The following CYP7B1 variants were observed in gnomAD, a reference collection of about 807,000 sequenced individuals.
The protein encoded by CYP7B1 is cytochrome P450 7B1.
A neutral mutation model predicts 42.7 loss-of-function variants in CYP7B1; 29 were observed. The observed-to-expected ratio is 0.68, with a 90% CI of 0.51 to 0.93. The LOEUF is 0.93. Ranked by LOEUF, CYP7B1 falls within the 40% of genes least tolerant of loss-of-function variation. CYP7B1 has a pLI of 0.00. For missense variants in CYP7B1, 655 were observed against 600.5 expected (o/e 1.09, Z -0.95); for synonymous variants, 235 against 218.2 (o/e 1.08, Z -0.68).
chr8:64,793,574 A>G (rs76284551), intron 1 of CYP7B1, among the ~76,000 whole-genome samples: 1,932 of 152,252 alleles, frequency 0.013, 18 homozygotes, highest in Non-Finnish European at 0.021. Context: ...AAAACATGTT[A>G]TTAATGACTT....
chr8:64,613,945 T>G lies in CYP7B1; in HGVS notation c.1057+1081A>C, dbSNP rs1459927378. Among the ~76,000 whole-genome samples the G allele has an allele frequency of 2.0e-5, 3 of 152,104 alleles. No individual in the cohort carries two copies. In the East Asian group the frequency reaches 5.8e-4, roughly 29 times the overall value. On this transcript the variant is annotated intron_variant, in intron 4 of 5. Coordinates refer to ENST00000310193, the MANE Select transcript of CYP7B1 (RefSeq NM_004820.5). ...GTCCCATTAAAGAACCTGGAACATA[T>G]TTAAAAGATAAAAAATTGAGACCAA...
intron 1 of CYP7B1, among the ~76,000 whole-genome samples, chr8:64,719,254 T>C (rs1807202812): frequency 1.3e-5 from 2 of 152,162 alleles, no homozygotes; most frequent in Admixed American, 1.3e-4. Context: ...ACTTAAAATA[T>C]ATTAAATTTA....
intron 1 of CYP7B1, among the ~76,000 whole-genome samples, chr8:64,742,022 C>A (rs1389505443): frequency 6.6e-6 from 1 of 152,096 alleles, no homozygotes; most frequent in East Asian, 1.9e-4. Context: ...TCCTTAACTT[C>A]TTATACTGAT....
chr8:64,617,732 T>C (rs978017938), intron 2 of CYP7B1, among the ~76,000 whole-genome samples: 1 of 151,986 alleles, frequency 6.6e-6, no homozygotes, highest in African/African-American at 2.4e-5. Context: ...ACTTCTCACT[T>C]GTTATTTATG....
chr8:64,646,791 A>G (rs973640538), intron 1 of CYP7B1, among the ~76,000 whole-genome samples: 1 of 152,188 alleles, frequency 6.6e-6, no homozygotes, highest in Non-Finnish European at 1.5e-5. Flanking sequence ...AGCTTAGGGA[A>G]TATTGTGGCT....
chr8:64,653,864 T>A (rs1806078759), intron 1 of CYP7B1, among the ~76,000 whole-genome samples: 1 of 152,232 alleles, frequency 6.6e-6, no homozygotes, highest in Non-Finnish European at 1.5e-5. Flanking sequence ...TCAATAAATG[T>A]GATTTATCAC....
intron 1 of CYP7B1, among the ~76,000 whole-genome samples, chr8:64,658,505 AT>A (rs1401992319): frequency 6.6e-6 from 1 of 151,956 alleles, no homozygotes; most frequent in Admixed American, 6.6e-5. Flanking sequence ...TGGAATGTGC[AT>A]TTTTTTCCAG....
In CYP7B1 at chr8:64,693,304, C is replaced by T. The variant is rs972027617; in HGVS notation, c.123-68765G>A. 3.3e-5 allele frequency among the ~76,000 whole-genome samples: 5 copies of T among 152,134 alleles called. 1 individual carries two copies. Among genetic ancestry groups the T allele is most frequent in the African/African-American group, 7.2e-5 (3 of 41,424 alleles). ...ACATGTATACATTTCTATATGTGTG[C>T]GTCCGTGTGTGTGTGCGGGTATGTA... On this transcript the variant is annotated intron_variant, in intron 1 of 5. Coordinates refer to ENST00000310193, the MANE Select transcript of CYP7B1 (RefSeq NM_004820.5).
intron 2 of CYP7B1, among the ~76,000 whole-genome samples, chr8:64,616,848 T>C (rs576595229): frequency 6.6e-6 from 1 of 152,194 alleles, no homozygotes; most frequent in Non-Finnish European, 1.5e-5. Context: ...CTTTTATGGA[T>C]GTGGGAGATT....
intron 1 of CYP7B1, among the ~76,000 whole-genome samples, chr8:64,688,932 A>G (rs11993466): frequency 0.024 from 3,699 of 152,314 alleles, 146 homozygotes; most frequent in African/African-American, 0.085. Context: ...TCTCAAAAAT[A>G]TAAATAAATA....
chr8:64,778,751 C>T (rs1483553185), intron 1 of CYP7B1, among the ~76,000 whole-genome samples: 1 of 152,114 alleles, frequency 6.6e-6, no homozygotes, highest in African/African-American at 2.4e-5. Flanking sequence ...AGATGTGACT[C>T]TTGCCTGGCT....
At chr8:64,777,912 CTT>C (rs373513759) in intron 1 of CYP7B1, among the ~76,000 whole-genome samples, 304 of 151,312 alleles carry the variant, frequency 2.0e-3, no homozygotes, top group African/African-American at 7.0e-3. Context: ...TTTTCAAAGA[CTT>C]TATTTTTGGA....
Position 64,616,279 on chromosome 8 carries a change from T to C in CYP7B1, c.262A>G (p.Lys88Glu). 1 of 1,566,798 alleles carries C rather than the reference T, an allele frequency of 6.4e-7. No individual in the cohort carries two copies. The highest frequency in any genetic ancestry group is 8.7e-7 in the Non-Finnish European group (1 of 1,148,562). Residue 88 changes from lysine (K) to glutamate (E), a missense_variant and splice_region_variant, in exon 3 of 6, where the codon AAG (lysine) becomes GAG (glutamate). By Grantham distance (56) the Lys-to-Glu change is moderately conservative. Coordinates refer to ENST00000310193, the MANE Select transcript of CYP7B1 (RefSeq NM_004820.5). Reference protein sequence around the residue: ...GDTFTVLLGGKYITFILDPFQ... With the variant: ...GDTFTVLLGGEYITFILDPFQ... Reference sequence around the variant, plus strand: ...GGGTCCAGGATAAATGTTATGTACTTTCCTAGAAAAAAAAAAAGAGAGAGA... The same window carrying C: ...GGGTCCAGGATAAATGTTATGTACTCTCCTAGAAAAAAAAAAAGAGAGAGA...
At chr8:64,770,021 T>A (rs1804194665) in intron 1 of CYP7B1, among the ~76,000 whole-genome samples, 1 of 152,182 alleles carries the variant, frequency 6.6e-6, no homozygotes, top group Non-Finnish European at 1.5e-5. Flanking sequence ...ATAGTCTCAA[T>A]TACATTTGTG....
chr8:64,762,624 C>G (rs1807906347), intron 1 of CYP7B1, among the ~76,000 whole-genome samples: 2 of 152,190 alleles, frequency 1.3e-5, no homozygotes, highest in African/African-American at 4.8e-5. Context: ...TAGCACAAAT[C>G]TAAACAGTAT....
At chr8:64,798,103 T>G (rs1804734052) in intron 1 of CYP7B1, among the ~76,000 whole-genome samples, 2 of 152,200 alleles carry the variant, frequency 1.3e-5, no homozygotes, top group Admixed American at 1.3e-4. Context: ...ACTGATGAAA[T>G]TTAAGAATAT....
intron 1 of CYP7B1, among the ~76,000 whole-genome samples, chr8:64,723,532 T>C (rs564429529): frequency 3.1e-3 from 475 of 152,344 alleles, no homozygotes; most frequent in Non-Finnish European, 5.5e-3. Context: ...TATTAACACA[T>C]TTGACTAAGA....
intron 1 of CYP7B1, among the ~76,000 whole-genome samples, chr8:64,694,366 T>C (rs942273819): frequency 6.6e-6 from 1 of 152,182 alleles, no homozygotes; most frequent in Non-Finnish European, 1.5e-5. Flanking sequence ...TCTGTTTACC[T>C]CCACTCTATG....
rs1237927592 is a variant in CYP7B1, at chr8:64,594,362, T to C, written c.*2280A>G. On this transcript the variant is annotated 3_prime_UTR_variant, in exon 6 of 6. Transcript: ENST00000310193. Reference sequence around the variant, plus strand: ...TAAATATAGTAGTATACTATGTATATACTACAGAAATATGAATATATCTTT... The same window carrying C: ...TAAATATAGTAGTATACTATGTATACACTACAGAAATATGAATATATCTTT... 6.6e-6 allele frequency among the ~76,000 whole-genome samples: 1 copy of C among 152,176 alleles called. No individual in the cohort carries two copies. The highest frequency in any genetic ancestry group is 1.5e-5 in the Non-Finnish European group (1 of 68,034).
Sources: gnomAD v4.1 joint callset for allele counts (sites outside exome capture counted in the v4.1 genomes callset) on GRCh38, gnomAD v4.1.1 for gene constraint, MANE v1.5 for transcripts, NCBI Gene and HGNC (gene_info 2026-07-23, HGNC 2026-07-21) for gene names.